The following AUTS2 variants were observed in gnomAD, a reference collection of about 807,000 sequenced individuals.
AUTS2 encodes the protein activator of transcription and developmental regulator AUTS2.
Under a neutral mutation model 112.4 loss-of-function variants are expected in AUTS2, and 17 were observed. The ratio of observed to expected loss-of-function variants is 0.15; its 90% CI spans 0.10 to 0.23. The LOEUF (loss-of-function observed/expected upper bound fraction) is 0.23, where lower values mean the gene tolerates loss of function less well. Among genes scored for constraint, AUTS2 ranks in the 10% least tolerant of loss-of-function variants. The pLI is 1.00. For synonymous variants in AUTS2, 751 were observed against 702.7 expected (o/e 1.07, Z -1.09); for missense variants, 1,510 against 1,701.6 (o/e 0.89, Z 1.98).
chr7:70,411,181 T>A (rs770681822), intron 4 of AUTS2, among the ~76,000 whole-genome samples: 1 of 152,116 alleles, frequency 6.6e-6, no homozygotes, highest in Non-Finnish European at 1.5e-5. Context: ...CAATTATTTT[T>A]AATTAAACAT....
At chr7:70,222,831 A>T (rs182362995) in intron 4 of AUTS2, among the ~76,000 whole-genome samples, 10 of 152,118 alleles carry the variant, frequency 6.6e-5, no homozygotes, top group Admixed American at 6.5e-4. Flanking sequence ...CAACTCATAA[A>T]ATATTTGAAT....
chr7:69,695,912 C>A (rs995555913), intron 1 of AUTS2, among the ~76,000 whole-genome samples: 2 of 152,170 alleles, frequency 1.3e-5, no homozygotes, highest in African/African-American at 4.8e-5. Context: ...CAAGAAGGGG[C>A]CTTCTTGACA....
intron 2 of AUTS2, among the ~76,000 whole-genome samples, chr7:70,034,047 C>T (rs1320028763): frequency 2.6e-5 from 4 of 152,060 alleles, no homozygotes; most frequent in Non-Finnish European, 5.9e-5. Flanking sequence ...ACATTATGTA[C>T]ATGTATCAGA....
At chr7:69,786,494 C>T (rs2129320083) in intron 1 of AUTS2, among the ~76,000 whole-genome samples, 1 of 152,334 alleles carries the variant, frequency 6.6e-6, no homozygotes, top group Middle Eastern at 3.4e-3. Context: ...GCCACCCCAG[C>T]CAGCAGTGGC....
intron 1 of AUTS2, among the ~76,000 whole-genome samples, chr7:69,822,819 T>A (rs1791057333): frequency 1.3e-5 from 2 of 152,190 alleles, no homozygotes; most frequent in South Asian, 4.1e-4. Flanking sequence ...TGAGTCCTGA[T>A]CCCATGAGAT....
chr7:70,513,666 CTTT>C (rs35815016), intron 5 of AUTS2, among the ~76,000 whole-genome samples: 8 of 140,380 alleles, frequency 5.7e-5, no homozygotes, highest in Non-Finnish European at 6.2e-5. Context: ...TTTCTGTTTC[CTTT>C]TTTTTTTTTT....
At chr7:69,955,630 A>T (rs1442570669) in intron 2 of AUTS2, among the ~76,000 whole-genome samples, 1 of 152,156 alleles carries the variant, frequency 6.6e-6, no homozygotes, top group Non-Finnish European at 1.5e-5. Flanking sequence ...CATGCAGTTT[A>T]TATAGCATTT....
chr7:70,217,045 G>A (rs1184851538), intron 4 of AUTS2, among the ~76,000 whole-genome samples: 1 of 151,974 alleles, frequency 6.6e-6, no homozygotes, highest in Non-Finnish European at 1.5e-5. Context: ...GTCTTACATA[G>A]GCGTATTTTT....
At chr7:70,253,187 A>G (rs934063173) in intron 4 of AUTS2, among the ~76,000 whole-genome samples, 2 of 152,116 alleles carry the variant, frequency 1.3e-5, no homozygotes, top group African/African-American at 4.8e-5. Flanking sequence ...CATTGATTTG[A>G]GCAGTTGTTT....
chr7:69,869,399 C>T (rs145280120), intron 1 of AUTS2, among the ~76,000 whole-genome samples: 107 of 151,848 alleles, frequency 7.0e-4, no homozygotes, highest in African/African-American at 2.4e-3. Context: ...TTTGAGGCAT[C>T]GTGTCCTTTA....
At chr7:70,572,323 C>T (rs953315241) in intron 5 of AUTS2, among the ~76,000 whole-genome samples, 8 of 152,052 alleles carry the variant, frequency 5.3e-5, no homozygotes, top group East Asian at 3.9e-4. Context: ...CCTTTGTGGA[C>T]GGCAAATAGC....
chr7:69,956,333 C>A (rs1003032126), intron 2 of AUTS2, among the ~76,000 whole-genome samples: 4 of 152,274 alleles, frequency 2.6e-5, no homozygotes, highest in Middle Eastern at 6.8e-3. Flanking sequence ...ACATACATAC[C>A]TGTGCTTACA....
chr7:70,109,339 T>C (rs1804948077), intron 2 of AUTS2, among the ~76,000 whole-genome samples: 1 of 152,182 alleles, frequency 6.6e-6, no homozygotes, highest in African/African-American at 2.4e-5. Context: ...TTTTTTACAT[T>C]GTGTATGTGT....
rs1199275031 is a variant in AUTS2 at position 70,405,561 on chromosome 7, A to G, written c.661-30191A>G. On this transcript the variant is annotated intron_variant, in intron 4 of 18. Transcript: ENST00000342771. ...GAGTCCCAGCATATGATAGAAGACCAAAGCATTTTGTGGCATGATATTAAA... is the reference window on the plus strand; with the variant it reads ...GAGTCCCAGCATATGATAGAAGACCGAAGCATTTTGTGGCATGATATTAAA... Among the ~76,000 whole-genome samples, 3 of 152,358 alleles carry G rather than the reference A, an allele frequency of 2.0e-5. No individual in the cohort carries two copies. In the East Asian group the frequency reaches 5.8e-4, roughly 29 times the overall value.
At chr7:70,080,619 C>T (rs1803255161) in intron 2 of AUTS2, among the ~76,000 whole-genome samples, 1 of 152,188 alleles carries the variant, frequency 6.6e-6, no homozygotes, top group African/African-American at 2.4e-5. Context: ...TACATACATA[C>T]TTCTTTTCCC....
intron 5 of AUTS2, among the ~76,000 whole-genome samples, chr7:70,442,677 AG>A (rs1040499430): frequency 6.6e-6 from 1 of 152,010 alleles, no homozygotes. Flanking sequence ...TAGTAGAGAC[AG>A]GGTTTCACCA....
chr7:69,904,358 T>G (rs1795076955), intron 2 of AUTS2, among the ~76,000 whole-genome samples: 1 of 152,256 alleles, frequency 6.6e-6, no homozygotes, highest in South Asian at 2.1e-4. Context: ...TGGAAAACTT[T>G]GATTAAACGG....
At chr7:70,435,078 G>A (rs908018073) in intron 4 of AUTS2, among the ~76,000 whole-genome samples, 3 of 152,060 alleles carry the variant, frequency 2.0e-5, no homozygotes, top group Admixed American at 6.5e-5. Flanking sequence ...TGAGTCTATG[G>A]CCCTAAAGCA....
Position 69,963,117 on chromosome 7 carries a change from G to A in AUTS2, c.522+63619G>A, listed in dbSNP as rs142132485. 1.9e-3 allele frequency among the ~76,000 whole-genome samples: 295 copies of A among 152,174 alleles called. 1 individual carries two copies. Among genetic ancestry groups the A allele is most frequent in the African/African-American group, 6.7e-3 (277 of 41,532 alleles). On this transcript the variant is annotated intron_variant, in intron 2 of 18. Coordinates refer to ENST00000342771, the MANE Select transcript of AUTS2 (RefSeq NM_015570.4). Reference sequence around the variant, plus strand: ...GTTTAAAACAAAACAAAAAAGGTGGGTGGGAAATGGAAGGAGAAGGAGTTT... The same window carrying A: ...GTTTAAAACAAAACAAAAAAGGTGGATGGGAAATGGAAGGAGAAGGAGTTT...
Sources: gnomAD v4.1 joint callset for allele counts (sites outside exome capture counted in the v4.1 genomes callset) on GRCh38, gnomAD v4.1.1 for gene constraint, MANE v1.5 for transcripts, NCBI Gene and HGNC (gene_info 2026-07-23, HGNC 2026-07-21) for gene names.